The following PHC2 variants were observed in gnomAD, a reference collection of about 807,000 sequenced individuals.
The protein encoded by PHC2 is polyhomeotic-like protein 2.
Under a neutral mutation model 87.4 loss-of-function variants are expected in PHC2, and 29 were observed. The observed-to-expected ratio is 0.33, with a 90% CI of 0.25 to 0.45. The LOEUF (loss-of-function observed/expected upper bound fraction) is 0.45. Ranked by LOEUF, PHC2 falls within the 20% of genes least tolerant of loss-of-function variation. The probability of loss-of-function intolerance (pLI) is 1.00; values close to 1 mark genes in which losing one functional copy is unlikely to be tolerated. For missense variants in PHC2, 857 were observed against 1,136.7 expected, an observed-to-expected ratio of 0.75 and a Z score of 3.54; for synonymous variants, 438 against 461.7, an observed-to-expected ratio of 0.95 and a Z score of 0.66.
At chr1:33,325,377 G>A in intron 14 of PHC2, 1 of 211,342 alleles carries the variant, frequency 4.7e-6, no homozygotes, top group East Asian at 1.2e-4. Context: ...CTGGGTTACT[G>A]CAGAGTAAGC....
At chr1:33,393,845 T>A (rs913733103) in intron 1 of PHC2, among the ~76,000 whole-genome samples, 3 of 149,474 alleles carry the variant, frequency 2.0e-5, no homozygotes, top group African/African-American at 7.5e-5. Context: ...TCCTACTGAT[T>A]TGGAGTTTTA....
At chr1:33,329,597 G>A (rs1207085105) in intron 13 of PHC2, among the ~76,000 whole-genome samples, 5 of 152,204 alleles carry the variant, frequency 3.3e-5, no homozygotes, top group African/African-American at 1.2e-4. Flanking sequence ...GCCTAACAGA[G>A]TTTCTGGCAT....
Position 33,347,720 on chromosome 1 carries a change from C to T in PHC2, c.1558+6681G>A, listed in dbSNP as rs996147495. The T allele has an allele frequency of 8.1e-6, 8 of 985,316 alleles. No individual in the cohort carries two copies. The African/African-American group carries it at 8.7e-5, about 11-fold the overall frequency. 61.0% of individuals were successfully genotyped at this position (985,316 alleles called of 1,614,324 possible). A position where few individuals can be genotyped will look rare whatever the true frequency, so the allele number is the denominator to read the frequency against. On this transcript the variant is annotated intron_variant, in intron 9 of 14. Coordinates refer to ENST00000683057, the MANE Select transcript of PHC2 (RefSeq NM_001385109.1). ...GTCTATTCTTCCCTGTGTGCATGGACGAGCCTGGAAACAGATCTTGGGTGG... is the reference window on the plus strand; with the variant it reads ...GTCTATTCTTCCCTGTGTGCATGGATGAGCCTGGAAACAGATCTTGGGTGG...
intron 1 of PHC2, among the ~76,000 whole-genome samples, chr1:33,420,262 A>G (rs1416503972): frequency 2.0e-5 from 3 of 152,238 alleles, no homozygotes; most frequent in African/African-American, 7.2e-5. Flanking sequence ...ACAATGAACT[A>G]TAACACCACA....
intron 1 of PHC2, among the ~76,000 whole-genome samples, chr1:33,394,862 G>A (rs1324591144): frequency 2.0e-5 from 3 of 152,114 alleles, no homozygotes; most frequent in South Asian, 4.1e-4. Context: ...GAGCCATCAC[G>A]CCCAGCCAAA....
At chr1:33,407,915 C>G (rs558146482) in intron 1 of PHC2, among the ~76,000 whole-genome samples, 1 of 152,244 alleles carries the variant, frequency 6.6e-6, no homozygotes, top group Admixed American at 6.5e-5. Flanking sequence ...GCTGGCATTC[C>G]TGATACCTGT....
chr1:33,367,293 G>C lies in PHC2; in HGVS notation c.799C>G (p.Gln267Glu). 1 of 1,614,124 alleles carries C rather than the reference G, an allele frequency of 6.2e-7. No homozygotes were observed. ...GGSQPLPTPA[Q>E]SRNTAQASPA... ...GAAGCCTGAGCAGTATTTCTGCTCT[G>C]TGCTGGGGTAGGCAGAGGCTGGCTA... Residue 267 changes from glutamine (Q) to glutamate (E), a missense_variant, in exon 7 of 15, where the codon CAG becomes GAG. Physicochemically the swap from Gln to Glu is conservative, Grantham distance 29. Transcript: ENST00000683057.
At chr1:33,408,024 G>C (rs1013441124) in intron 1 of PHC2, among the ~76,000 whole-genome samples, 1 of 152,118 alleles carries the variant, frequency 6.6e-6, no homozygotes, top group Admixed American at 6.5e-5. Context: ...TACCTCGTGG[G>C]TTCTTGTTTT....
intron 3 of PHC2, among the ~76,000 whole-genome samples, 195 bp from the exon 4 acceptor site, chr1:33,371,289 C>T (rs1252190863): frequency 1.3e-5 from 2 of 152,216 alleles, no homozygotes; most frequent in Non-Finnish European, 2.9e-5. Context: ...GCTAACAGTA[C>T]CTGCCTGATA....
intron 1 of PHC2, among the ~76,000 whole-genome samples, chr1:33,395,943 A>G (rs1649275241): frequency 6.6e-6 from 1 of 152,242 alleles, no homozygotes; most frequent in African/African-American, 2.4e-5. Context: ...ACTAAATCAT[A>G]CAAAAACACT....
At chr1:33,410,470 C>T (rs548205458) in intron 1 of PHC2, among the ~76,000 whole-genome samples, 21 of 152,204 alleles carry the variant, frequency 1.4e-4, no homozygotes, top group East Asian at 3.8e-4. Flanking sequence ...TTGATGAGAG[C>T]ACCTAATCGG....
chr1:33,413,424 T>C lies in PHC2; in HGVS notation c.-55+17552A>G, dbSNP rs1032947998. Among the ~76,000 whole-genome samples the C allele has an allele frequency of 4.6e-5, 7 of 152,172 alleles. 1 individual carries two copies. Among genetic ancestry groups the C allele is most frequent in the South Asian group, 4.1e-4 (2 of 4,836 alleles). On this transcript the variant is annotated intron_variant, in intron 1 of 14. Transcript: ENST00000683057. ...TCCACTGACACTGGATACTGACATA[T>C]AGGCAGAGAGAAATGACAACAGGAG...
chr1:33,406,379 C>T (rs989046746), intron 1 of PHC2, among the ~76,000 whole-genome samples: 4 of 152,240 alleles, frequency 2.6e-5, no homozygotes, highest in African/African-American at 9.6e-5. Context: ...ATCAGGATTT[C>T]TCCAATCGTG....
rs1646487676 is a variant in PHC2 at position 33,331,164 on chromosome 1, G to A, written c.2006+184C>T. ...GGACTCCCGCTGCTCTCTCCCACCT[G>A]CTCTTAGGGGTTCTGGCTTCTCGTG... On this transcript the variant is annotated intron_variant, in intron 12 of 14. Coordinates refer to ENST00000683057, the MANE Select transcript of PHC2 (RefSeq NM_001385109.1). This position sits in a 1 kb window ranked among gnomAD's most constrained non-coding sequence, Gnocchi z 5.2. Among the ~76,000 whole-genome samples the A allele has an allele frequency of 6.6e-6, 1 of 152,170 alleles. No individual in the cohort carries two copies. The highest frequency in any genetic ancestry group is 1.5e-5 in the Non-Finnish European group (1 of 68,036).
chr1:33,336,820 G>C (rs923867615), intron 9 of PHC2: 1 of 152,248 alleles, frequency 6.6e-6, no homozygotes, highest in Non-Finnish European at 1.5e-5. Flanking sequence ...CAACTCTGCC[G>C]ATCAATGGGG....
At chr1:33,388,365 C>G (rs371794962) in intron 1 of PHC2, among the ~76,000 whole-genome samples, 9 of 150,566 alleles carry the variant, frequency 6.0e-5, no homozygotes, top group African/African-American at 1.7e-4. Context: ...CTCTTGTTGC[C>G]CAGGCTGGAG....
At position 33,324,860 on chromosome 1, in the gene PHC2, C is replaced by T; in HGVS notation, c.*5G>A. On this transcript the variant is annotated 3_prime_UTR_variant, in exon 15 of 15. Coordinates refer to ENST00000683057, the MANE Select transcript of PHC2 (RefSeq NM_001385109.1). ...CCTGGGCCAGAATCCTGGCTGCCAC[C>T]AGCCCTAGGAGTCCTTGAGCATGCT... 6.2e-7 allele frequency: 1 copy of T among 1,604,876 alleles called. No homozygotes were observed. Among genetic ancestry groups the T allele is most frequent in the South Asian group, 1.1e-5 (1 of 90,082 alleles).
Position 33,349,149 on chromosome 1 carries a change from G to T in PHC2, c.1558+5252C>A. On this transcript the variant is annotated intron_variant, in intron 9 of 14. Transcript: ENST00000683057. This position sits in a 1 kb window ranked among gnomAD's most constrained non-coding sequence, Gnocchi z 4.2. The stretch of plus-strand genomic sequence containing the variant: ...CTTTCCATCCAATTAAAAACCTCGT[G>T]AGACTGAACTAGATTAAAAACAAAA... The T allele has an allele frequency of 1.0e-6, 1 of 985,412 alleles. No homozygotes were observed. The highest frequency in any genetic ancestry group is 1.2e-6 in the Non-Finnish European group (1 of 829,882). 61.0% of individuals were successfully genotyped at this position (985,412 alleles called of 1,614,324 possible). A position where few individuals can be genotyped will look rare whatever the true frequency, so the allele number is the denominator to read the frequency against.
intron 1 of PHC2, among the ~76,000 whole-genome samples, chr1:33,408,392 TC>T (rs1242307847): frequency 1.3e-5 from 2 of 152,358 alleles, no homozygotes; most frequent in Admixed American, 1.3e-4. Context: ...ATGTTCTTTC[TC>T]CTGACTAGAC....
Sources: allele counts gnomAD v4.1 joint callset (sites outside exome capture counted in the v4.1 genomes callset), GRCh38; gene constraint gnomAD v4.1.1; non-coding constraint Gnocchi (gnomAD v3.1); transcripts MANE v1.5; gene names NCBI Gene and HGNC (gene_info 2026-07-23, HGNC 2026-07-21).